Variants in PRKCE observed in about 807,000 individuals in gnomAD.
PRKCE encodes protein kinase C epsilon type.
PRKCE carries 16 observed loss-of-function variants against 85.4 expected under a neutral mutation model. The observed-to-expected ratio is 0.19, with a 90% CI of 0.13 to 0.28. PRKCE has a LOEUF of 0.28. Ranked by LOEUF, PRKCE falls within the 10% of genes least tolerant of loss-of-function variation. The pLI is 1.00. For synonymous variants in PRKCE, 388 were observed against 371.5 expected (o/e 1.04, Z -0.51); for missense variants, 573 against 975.2 (o/e 0.59, Z 5.49).
chr2:45,668,081 C>G (rs565516320), intron 1 of PRKCE, among the ~76,000 whole-genome samples: 1 of 152,258 alleles, frequency 6.6e-6, no homozygotes, highest in Non-Finnish European at 1.5e-5. Flanking sequence ...TGGCTTATGT[C>G]TGGAATCCCA....
At chr2:46,082,272 G>T (rs1398603430) in intron 10 of PRKCE, among the ~76,000 whole-genome samples, 2 of 152,126 alleles carry the variant, frequency 1.3e-5, no homozygotes, top group African/African-American at 4.8e-5. Flanking sequence ...ATAATGGTGG[G>T]CATGATGGTG....
intron 2 of PRKCE, among the ~76,000 whole-genome samples, chr2:45,868,568 C>T (rs1020503993): frequency 1.3e-5 from 2 of 148,156 alleles, no homozygotes; most frequent in African/African-American, 5.0e-5. Context: ...AGGTGATCTG[C>T]CCGCCTCAGC....
intron 1 of PRKCE, among the ~76,000 whole-genome samples, chr2:45,814,338 C>G (rs1045610927): frequency 3.3e-5 from 5 of 152,204 alleles, no homozygotes; most frequent in Admixed American, 6.5e-5. Flanking sequence ...CCCCGATACC[C>G]TTGCCTCGCA....
At chr2:46,075,271 C>G (rs895767270) in intron 10 of PRKCE, among the ~76,000 whole-genome samples, 2 of 151,832 alleles carry the variant, frequency 1.3e-5, no homozygotes, top group African/African-American at 4.8e-5. Flanking sequence ...TTAATCTCCT[C>G]GTGATCCGCC....
At chr2:45,863,701 C>T (rs988136969) in intron 2 of PRKCE, among the ~76,000 whole-genome samples, 1 of 152,068 alleles carries the variant, frequency 6.6e-6, no homozygotes. Flanking sequence ...AACAGATGAC[C>T]TGGCCAGCTC....
intron 2 of PRKCE, among the ~76,000 whole-genome samples, chr2:45,944,264 G>T (rs1700081785): frequency 6.6e-6 from 1 of 152,106 alleles, no homozygotes. Context: ...ATATTGTGGG[G>T]TGCCTCAGGG....
intron 14 of PRKCE, among the ~76,000 whole-genome samples, chr2:46,179,984 A>T (rs1322173739): frequency 6.6e-6 from 1 of 152,238 alleles, no homozygotes; most frequent in East Asian, 1.9e-4. Flanking sequence ...TTTCTAGCAG[A>T]TATCTATGGA....
chr2:45,713,163 T>A (rs1269148908), intron 1 of PRKCE, among the ~76,000 whole-genome samples: 3 of 152,178 alleles, frequency 2.0e-5, no homozygotes, highest in Admixed American at 1.3e-4. Context: ...TCGAGGCTCT[T>A]ATAAAGGTGA....
intron 2 of PRKCE, among the ~76,000 whole-genome samples, chr2:45,870,123 T>C (rs1019441922): frequency 6.6e-6 from 1 of 152,206 alleles, no homozygotes; most frequent in African/African-American, 2.4e-5. Flanking sequence ...ATCAGGCCCA[T>C]TGCAGCTACC....
At chr2:45,969,194 A>C (rs1701940260) in intron 2 of PRKCE, among the ~76,000 whole-genome samples, 1 of 151,806 alleles carries the variant, frequency 6.6e-6, no homozygotes, top group Admixed American at 6.6e-5. Context: ...CGCCTTATTT[A>C]TGCCTTTGTG....
At chr2:45,833,398 C>G (rs143573323) in intron 1 of PRKCE, among the ~76,000 whole-genome samples, 55 of 152,260 alleles carry the variant, frequency 3.6e-4, no homozygotes, top group African/African-American at 1.3e-3. Context: ...GTGGAATCCT[C>G]AAAAGAAAGA....
chr2:46,074,470 C>T (rs1208071843), intron 10 of PRKCE, among the ~76,000 whole-genome samples: 1 of 127,968 alleles, frequency 7.8e-6, no homozygotes, highest in African/African-American at 2.8e-5. Context: ...ATAGAAAAAA[C>T]AGCAGCAACA....
chr2:45,945,363 C>G (rs1700170351), intron 2 of PRKCE, among the ~76,000 whole-genome samples: 2 of 151,632 alleles, frequency 1.3e-5, no homozygotes, highest in African/African-American at 4.8e-5. Context: ...AGAGCTGAAG[C>G]AAGAGCGGGG....
intron 2 of PRKCE, among the ~76,000 whole-genome samples, chr2:45,925,555 CAA>C: frequency 6.6e-6 from 1 of 152,276 alleles, no homozygotes; most frequent in Non-Finnish European, 1.5e-5. Context: ...CTCGGCCTCC[CAA>C]AGTGCTAGGA....
chr2:45,721,263 G>A (rs1680596523), intron 1 of PRKCE, among the ~76,000 whole-genome samples: 1 of 152,216 alleles, frequency 6.6e-6, no homozygotes, highest in Non-Finnish European at 1.5e-5. Flanking sequence ...TTAAGAGGCA[G>A]AGCTAGGATT....
At chr2:46,025,429 A>G (rs1228856557) in intron 10 of PRKCE, among the ~76,000 whole-genome samples, 1 of 152,214 alleles carries the variant, frequency 6.6e-6, no homozygotes, top group East Asian at 1.9e-4. Flanking sequence ...AAAAAGACAC[A>G]ATCCTTGTTC....
At chr2:46,051,376 G>T (rs1273080468) in intron 10 of PRKCE, among the ~76,000 whole-genome samples, 8 of 152,164 alleles carry the variant, frequency 5.3e-5, no homozygotes, top group Admixed American at 2.0e-4. Flanking sequence ...TGAAGGTGGG[G>T]AGCTGTGGGT....
At chr2:46,021,097 T>C (rs545558684) in intron 10 of PRKCE, among the ~76,000 whole-genome samples, 48 of 152,016 alleles carry the variant, frequency 3.2e-4, no homozygotes, top group Non-Finnish European at 5.6e-4. Flanking sequence ...TGCTGGGGCA[T>C]TGGGGGGCAG....
At chr2:45,855,897 A>G (rs1374476527) in intron 2 of PRKCE, among the ~76,000 whole-genome samples, 2 of 152,004 alleles carry the variant, frequency 1.3e-5, no homozygotes, top group East Asian at 1.9e-4. Flanking sequence ...TGCTGCCCCT[A>G]ACACTGACCT....
Sources: allele counts gnomAD v4.1 joint callset (sites outside exome capture counted in the v4.1 genomes callset), GRCh38; gene constraint gnomAD v4.1.1; transcripts MANE v1.5; gene names NCBI Gene and HGNC (gene_info 2026-07-23, HGNC 2026-07-21).